RAB10: variants seen among roughly 807,000 people sequenced by gnomAD.
RAB10 encodes ras-related protein Rab-10.
Under a neutral mutation model 25.7 loss-of-function variants are expected in RAB10, and 5 were observed. The observed-to-expected ratio is 0.19, with a 90% CI of 0.10 to 0.41. RAB10 has a LOEUF of 0.41. Ranked by LOEUF, RAB10 falls within the 10% of genes least tolerant of loss-of-function variation. The pLI, the probability that RAB10 is intolerant of heterozygous loss-of-function variation, is 1.00. For missense variants in RAB10, 103 were observed against 245.8 expected, an observed-to-expected ratio of 0.42 and a Z score of 3.89; for synonymous variants, 89 against 86.4, an observed-to-expected ratio of 1.03 and a Z score of -0.16.
At chr2:26,129,706 C>A (rs944676006) in intron 5 of RAB10, among the ~76,000 whole-genome samples, 1 of 152,172 alleles carries the variant, frequency 6.6e-6, no homozygotes, top group Non-Finnish European at 1.5e-5. Flanking sequence ...TTCAATGGGA[C>A]TAAAAAATTG....
rs943445844 is a variant in RAB10 at position 26,062,538 on chromosome 2, C to G, written c.127+27803C>G. ...ACTAAAAATACAAAAATAAGCTGGA[C>G]CTGGTGGCGCATACCTGTAATCTCA... On this transcript the variant is annotated intron_variant, in intron 1 of 5. Coordinates refer to ENST00000264710, the MANE Select transcript of RAB10 (RefSeq NM_016131.5). 1.1e-3 allele frequency among the ~76,000 whole-genome samples: 169 copies of G among 152,034 alleles called. 2 individuals carry two copies. The highest frequency in any genetic ancestry group is 4.1e-3 in the African/African-American group (168 of 41,476).
At chr2:26,082,969 A>C (rs1195555285) in intron 1 of RAB10, among the ~76,000 whole-genome samples, 7 of 152,238 alleles carry the variant, frequency 4.6e-5, no homozygotes, top group African/African-American at 1.7e-4. Flanking sequence ...TAGCTGCCTT[A>C]ATGGAGTAAA....
chr2:26,079,440 A>G (rs1468775566), intron 1 of RAB10, among the ~76,000 whole-genome samples: 2 of 152,110 alleles, frequency 1.3e-5, no homozygotes, highest in South Asian at 2.1e-4. Context: ...AAAGAAGTTG[A>G]AAGGAAGAAG....
At chr2:26,132,365 T>C (rs534450145) in intron 5 of RAB10, among the ~76,000 whole-genome samples, 1 of 152,278 alleles carries the variant, frequency 6.6e-6, no homozygotes, top group East Asian at 1.9e-4. Flanking sequence ...GAGATTCTCC[T>C]GCCTCAGCCT....
At chr2:26,112,183 A>G (rs921325609) in intron 3 of RAB10, among the ~76,000 whole-genome samples, 6 of 152,106 alleles carry the variant, frequency 3.9e-5, no homozygotes, top group African/African-American at 1.4e-4. Context: ...CCTTACCCTC[A>G]GTTTTTCAGA....
At chr2:26,062,314 G>A (rs1181550905) in intron 1 of RAB10, among the ~76,000 whole-genome samples, 1 of 152,096 alleles carries the variant, frequency 6.6e-6, no homozygotes, top group East Asian at 1.9e-4. Context: ...ACTTTTTCCA[G>A]TGGATCTATG....
intron 1 of RAB10, among the ~76,000 whole-genome samples, chr2:26,042,433 C>T (rs775838252): frequency 2.6e-4 from 39 of 151,840 alleles, no homozygotes; most frequent in African/African-American, 8.5e-4. Context: ...CTCAGGAGTT[C>T]GAGACCAGCC....
chr2:26,061,106 T>C (rs1666385864), intron 1 of RAB10, among the ~76,000 whole-genome samples: 3 of 146,470 alleles, frequency 2.0e-5, no homozygotes, highest in African/African-American at 7.5e-5. Flanking sequence ...TTTTTTTTTT[T>C]TTTTTTTTTT....
intron 3 of RAB10, among the ~76,000 whole-genome samples, chr2:26,111,479 CT>C (rs1667571029): frequency 1.3e-5 from 2 of 151,944 alleles, no homozygotes; most frequent in Non-Finnish European, 2.9e-5. Context: ...TGGCACATGC[CT>C]GTAATCCCAG....
chr2:26,065,923 TAGC>T (rs2149268775), intron 1 of RAB10, among the ~76,000 whole-genome samples: 1 of 152,356 alleles, frequency 6.6e-6, no homozygotes, highest in Non-Finnish European at 1.5e-5. Flanking sequence ...TTTTTTGTTT[TAGC>T]TTAGTGGGAA....
At chr2:26,132,491 G>T (rs1668029518) in intron 5 of RAB10, among the ~76,000 whole-genome samples, 1 of 152,176 alleles carries the variant, frequency 6.6e-6, no homozygotes, top group African/African-American at 2.4e-5. Flanking sequence ...TGACCTCAGG[G>T]ATCTGCCCAC....
In RAB10 at chr2:26,060,917, T is replaced by C. The variant is rs566156893; in HGVS notation, c.127+26182T>C. Reference sequence around the variant, plus strand: ...CCATTTTGCTACTTGAAAAAAACTTTGTTGAAAAATAGCTTCTAGATGAGT... The same window carrying C: ...CCATTTTGCTACTTGAAAAAAACTTCGTTGAAAAATAGCTTCTAGATGAGT... On this transcript the variant is annotated intron_variant, in intron 1 of 5. Transcript: ENST00000264710. Among the ~76,000 whole-genome samples, 64 of 152,236 alleles carry C rather than the reference T, an allele frequency of 4.2e-4. 2 individuals are homozygous for C. The South Asian group carries it at 0.012, about 29-fold the overall frequency.
intron 3 of RAB10, among the ~76,000 whole-genome samples, chr2:26,113,257 C>CA (rs1269906549): frequency 2.0e-5 from 3 of 151,986 alleles, no homozygotes; most frequent in Non-Finnish European, 2.9e-5. Context: ...AAACATTTGA[C>CA]AAAATCCAAC....
Position 26,044,639 on chromosome 2 carries a change from G to A in RAB10, c.127+9904G>A, listed in dbSNP as rs555691562. 4.4e-4 allele frequency among the ~76,000 whole-genome samples: 67 copies of A among 151,730 alleles called. 2 individuals carry two copies. In the South Asian group the frequency reaches 0.013, roughly 29 times the overall value. On this transcript the variant is annotated intron_variant, in intron 1 of 5. Coordinates refer to ENST00000264710, the MANE Select transcript of RAB10 (RefSeq NM_016131.5). ...TGGCACACTGCAACCTCCACCTCCC[G>A]GGTTCAGATGATTCTCCTGCCTCAA...
At chr2:26,055,083 GAAAAA>G (rs145950512) in intron 1 of RAB10, among the ~76,000 whole-genome samples, 1 of 148,058 alleles carries the variant, frequency 6.8e-6, no homozygotes, top group Admixed American at 6.8e-5. Context: ...GCCATTTATT[GAAAAA>G]AAAAATTGAG....
At chr2:26,100,795 A>G (rs879561384) in intron 2 of RAB10, among the ~76,000 whole-genome samples, 9 of 152,058 alleles carry the variant, frequency 5.9e-5, no homozygotes, top group Non-Finnish European at 1.0e-4. Context: ...CAATTTGTCT[A>G]TACCCAAAAT....
intron 5 of RAB10, among the ~76,000 whole-genome samples, chr2:26,130,296 G>A (rs1667986763): frequency 6.6e-6 from 1 of 151,666 alleles, no homozygotes; most frequent in Admixed American, 6.6e-5. Context: ...GAAAAAATGT[G>A]TTTCTTTCTT....
intron 1 of RAB10, among the ~76,000 whole-genome samples, chr2:26,067,090 T>A (rs1321994169): frequency 6.6e-6 from 1 of 152,058 alleles, no homozygotes; most frequent in Non-Finnish European, 1.5e-5. Context: ...CTATTTTTTG[T>A]ATTTTTTGTA....
chr2:26,050,322 T>C (rs1666104378), intron 1 of RAB10, among the ~76,000 whole-genome samples: 1 of 152,230 alleles, frequency 6.6e-6, no homozygotes. Flanking sequence ...TTCTAGTTGC[T>C]GACAGTTCTG....
Sources: gnomAD v4.1 joint callset for allele counts (sites outside exome capture counted in the v4.1 genomes callset) on GRCh38, gnomAD v4.1.1 for gene constraint, MANE v1.5 for transcripts, NCBI Gene and HGNC (gene_info 2026-07-23, HGNC 2026-07-21) for gene names.